COL23A1: variants seen among roughly 807,000 people sequenced by gnomAD.
COL23A1 encodes the protein collagen alpha-1(XXIII) chain.
COL23A1 carries 97 observed loss-of-function variants against 99.3 expected under a neutral mutation model. The ratio of observed to expected loss-of-function variants is 0.98; its 90% CI spans 0.83 to 1.16. COL23A1 has a LOEUF of 1.16. COL23A1 is among the 50% of genes most tolerant of loss of function. The pLI is 0.00. For missense variants in COL23A1, 762 were observed against 757.4 expected (o/e 1.01, Z -0.07); for synonymous variants, 320 against 308.2 (o/e 1.04, Z -0.40).
At chr5:178,258,262 T>TATATATATATATATACATACAC in intron 12 of COL23A1, among the ~76,000 whole-genome samples, 4 of 104,066 alleles carry the variant, frequency 3.8e-5, no homozygotes, top group Admixed American at 1.0e-4. Context: ...TATATATATA[T>TATATATATATATATACATACAC]ACACATGCAA....
At chr5:178,566,726 G>C (rs903997888) in intron 1 of COL23A1, among the ~76,000 whole-genome samples, 1 of 152,178 alleles carries the variant, frequency 6.6e-6, no homozygotes, top group Admixed American at 6.5e-5. Context: ...TGAGGCAGGA[G>C]AATCACTTGA....
chr5:178,476,528 C>T (rs1468074882), intron 2 of COL23A1, among the ~76,000 whole-genome samples: 4 of 152,110 alleles, frequency 2.6e-5, no homozygotes, highest in African/African-American at 7.2e-5. Context: ...AGAGTAATAC[C>T]GCATCATATC....
At position 178,487,288 on chromosome 5, in the gene COL23A1, T is replaced by TTTTATTTATTTA. The variant is rs70997604; in HGVS notation, c.361+73382_361+73393dup. On this transcript the variant is annotated intron_variant, in intron 2 of 28. Coordinates refer to ENST00000390654, the MANE Select transcript of COL23A1 (RefSeq NM_173465.4). Reference sequence around the variant, plus strand: ...AAGGCAGTCATGGTACCAGCCTCAGTTTTATTTATTTATTTATTTATTTAT... The same window carrying TTTTATTTATTTA: ...AAGGCAGTCATGGTACCAGCCTCAGTTTTATTTATTTATTTATTTATTTATTTATTTATTTAT... Among the ~76,000 whole-genome samples, 732 of 116,516 alleles carry TTTTATTTATTTA rather than the reference T, an allele frequency of 6.3e-3. 3 individuals are homozygous for TTTTATTTATTTA. The highest frequency in any genetic ancestry group is 9.0e-3 in the Non-Finnish European group (482 of 53,290). The allele number at this position is 116,516 out of a possible 152,430, so 76.4% of individuals were successfully genotyped here.
intron 2 of COL23A1, among the ~76,000 whole-genome samples, chr5:178,409,408 A>G (rs1026370595): frequency 4.6e-5 from 7 of 152,240 alleles, no homozygotes; most frequent in African/African-American, 1.7e-4. Flanking sequence ...CCAGAGGTTA[A>G]GAGTGGTGAG....
intron 2 of COL23A1, among the ~76,000 whole-genome samples, chr5:178,459,227 A>G (rs1341111019): frequency 6.6e-6 from 1 of 150,652 alleles, no homozygotes; most frequent in African/African-American, 2.5e-5. Flanking sequence ...ACGTGTAATA[A>G]ATGGTATTTT....
chr5:178,588,683 A>T (rs1387186789), intron 1 of COL23A1, among the ~76,000 whole-genome samples: 1 of 152,212 alleles, frequency 6.6e-6, no homozygotes, highest in Non-Finnish European at 1.5e-5. Context: ...ATCCTAGCTT[A>T]AATTAAAGTG....
intron 5 of COL23A1, among the ~76,000 whole-genome samples, chr5:178,272,568 G>A (rs942749108): frequency 1.1e-4 from 16 of 152,020 alleles, no homozygotes; most frequent in Admixed American, 3.9e-4. Flanking sequence ...TGGGGGCCCC[G>A]GGTCAGGGCC....
In COL23A1 at chr5:178,280,148, C is replaced by T. The variant is rs532440691; in HGVS notation, c.441+8176G>A. On this transcript the variant is annotated intron_variant, in intron 5 of 28. Coordinates refer to ENST00000390654, the MANE Select transcript of COL23A1 (RefSeq NM_173465.4). The surrounding 1 kb of genome is among the most constrained non-coding windows in gnomAD (Gnocchi z 4.9). The stretch of plus-strand genomic sequence containing the variant: ...CCCGGCCAGGGAACACTAGAGGGCG[C>T]GCTTGACCTGCCGAAGGCTGCCTCC... 2.4e-4 allele frequency among the ~76,000 whole-genome samples: 37 copies of T among 152,358 alleles called. No individual in the cohort carries two copies. The South Asian group carries it at 6.2e-3, about 26-fold the overall frequency.
intron 2 of COL23A1, among the ~76,000 whole-genome samples, chr5:178,403,141 A>AAAAAAAAAAAAAAAAAC: frequency 6.8e-6 from 1 of 146,240 alleles, no homozygotes; most frequent in Non-Finnish European, 1.5e-5. Flanking sequence ...TAAAAAATAA[A>AAAAAAAAAAAAAAAAAC]TACCATTTAC....
At chr5:178,382,832 G>C (rs1177495487) in intron 2 of COL23A1, among the ~76,000 whole-genome samples, 1 of 152,196 alleles carries the variant, frequency 6.6e-6, no homozygotes, top group African/African-American at 2.4e-5. Context: ...GCCTTGGCAG[G>C]AGTCAGAAGG....
intron 2 of COL23A1, among the ~76,000 whole-genome samples, chr5:178,492,396 G>A (rs1456698858): frequency 6.6e-6 from 1 of 152,132 alleles, no homozygotes; most frequent in Non-Finnish European, 1.5e-5. Context: ...GGAAGGCCGT[G>A]TGAGGACGCA....
rs112238827 is a variant in COL23A1, at chr5:178,255,503, A to G, written c.883-477T>C. Among the ~76,000 whole-genome samples, 3,271 of 152,010 alleles carry G rather than the reference A, an allele frequency of 0.022. 106 individuals are homozygous for G. The highest frequency in any genetic ancestry group is 0.075 in the African/African-American group (3,102 of 41,434). The stretch of plus-strand genomic sequence containing the variant: ...GTTACAGGTGCATGTCAGCATGCCC[A>G]TGTCCATATGCTGCACACTCATTGT... On this transcript the variant is annotated intron_variant, in intron 15 of 28. Coordinates refer to ENST00000390654, the MANE Select transcript of COL23A1 (RefSeq NM_173465.4). The surrounding 1 kb of genome is among the most constrained non-coding windows in gnomAD (Gnocchi z 4.2).
At chr5:178,402,294 C>T (rs1320062350) in intron 2 of COL23A1, among the ~76,000 whole-genome samples, 2 of 151,946 alleles carry the variant, frequency 1.3e-5, no homozygotes, top group Non-Finnish European at 2.9e-5. Flanking sequence ...AGTTGGAGGC[C>T]AGCCTGGACA....
At chr5:178,364,941 T>G (rs1027629117) in intron 2 of COL23A1, among the ~76,000 whole-genome samples, 1 of 152,216 alleles carries the variant, frequency 6.6e-6, no homozygotes, top group Non-Finnish European at 1.5e-5. Context: ...TGAACTGGCT[T>G]GGAAGCCTGG....
chr5:178,372,466 G>T (rs1160054716), intron 2 of COL23A1, among the ~76,000 whole-genome samples: 1 of 152,240 alleles, frequency 6.6e-6, no homozygotes, highest in African/African-American at 2.4e-5. Flanking sequence ...GAAAAAACAG[G>T]GCTGGAGAAC....
intron 2 of COL23A1, among the ~76,000 whole-genome samples, chr5:178,484,317 A>G (rs1449914948): frequency 6.6e-6 from 1 of 152,208 alleles, no homozygotes; most frequent in Non-Finnish European, 1.5e-5. Context: ...ACAATGCACC[A>G]AAGAAAATTA....
At chr5:178,414,103 A>G (rs1765181446) in intron 2 of COL23A1, among the ~76,000 whole-genome samples, 1 of 152,168 alleles carries the variant, frequency 6.6e-6, no homozygotes, top group African/African-American at 2.4e-5. Context: ...TCCCAGCTTT[A>G]CAGAGGGAGC....
chr5:178,548,005 CCACCCA>C (rs1761792295), intron 2 of COL23A1, among the ~76,000 whole-genome samples: 7 of 4,876 alleles, frequency 1.4e-3, no homozygotes, highest in Admixed American at 2.8e-3. Flanking sequence ...ACCCCCATAC[CCACCCA>C]CACACACCCA....
chr5:178,406,515 C>T (rs779119340), intron 2 of COL23A1, among the ~76,000 whole-genome samples: 3 of 151,836 alleles, frequency 2.0e-5, no homozygotes, highest in Non-Finnish European at 2.9e-5. Context: ...CTGCAATCTC[C>T]GCCTCCTGGA....
Sources: gnomAD v4.1 joint callset for allele counts (sites outside exome capture counted in the v4.1 genomes callset) on GRCh38, gnomAD v4.1.1 for gene constraint, Gnocchi (gnomAD v3.1) non-coding constraint, MANE v1.5 for transcripts, NCBI Gene and HGNC (gene_info 2026-07-23, HGNC 2026-07-21) for gene names.